PCDHA1: variants seen among roughly 807,000 people sequenced by gnomAD.
PCDHA1 encodes the protein protocadherin alpha 1, also known as protocadherin alpha-1.
In PCDHA1, 42 loss-of-function variants were observed where a neutral mutation model predicts 61.3. The ratio of observed to expected loss-of-function variants is 0.69; its 90% CI spans 0.54 to 0.89. The LOEUF is 0.89. Ranked by LOEUF, PCDHA1 falls within the 40% of genes least tolerant of loss-of-function variation. PCDHA1 has a pLI of 0.00. For synonymous variants in PCDHA1, 610 were observed against 553.8 expected (o/e 1.10, Z -1.43); for missense variants, 1,256 against 1,235.3 (o/e 1.02, Z -0.25).
intron 1 of PCDHA1, among the ~76,000 whole-genome samples, chr5:140,944,592 C>T (rs1225606041): frequency 2.6e-5 from 4 of 152,086 alleles, no homozygotes; most frequent in Non-Finnish European, 4.4e-5. Flanking sequence ...CAGAATTTCC[C>T]TGGGTAGAGT....
chr5:141,007,107 A>G (rs1162403610), intron 3 of PCDHA1, among the ~76,000 whole-genome samples: 1 of 152,190 alleles, frequency 6.6e-6, no homozygotes, highest in Non-Finnish European at 1.5e-5. Context: ...GCCAAACCCA[A>G]GGAAGCTTCA....
intron 1 of PCDHA1, among the ~76,000 whole-genome samples, chr5:140,890,741 A>G (rs1346321522): frequency 2.0e-5 from 3 of 152,132 alleles, no homozygotes; most frequent in African/African-American, 7.2e-5. Flanking sequence ...CTTATATACT[A>G]TTTCTGTCAT....
chr5:140,872,346 G>A (rs2053606612), intron 1 of PCDHA1, among the ~76,000 whole-genome samples: 1 of 152,022 alleles, frequency 6.6e-6, no homozygotes, highest in Admixed American at 6.6e-5. Context: ...ACATGTTCTT[G>A]CCAGGCAAAG....
chr5:140,836,209 A>T, intron 1 of PCDHA1: 1 of 1,613,782 alleles, frequency 6.2e-7, no homozygotes, highest in Non-Finnish European at 8.5e-7. Context: ...TGGCTTTCGT[A>T]TGAGTTGCAA....
At chr5:140,919,858 T>C (rs1392372108) in intron 1 of PCDHA1, among the ~76,000 whole-genome samples, 1 of 152,246 alleles carries the variant, frequency 6.6e-6, no homozygotes, top group Non-Finnish European at 1.5e-5. Flanking sequence ...TGACCTCATT[T>C]GGAAATAAGT....
rs1266651704 is a variant in PCDHA1, at chr5:140,877,267, G to A, written c.2394+88583G>A. ...GGTGGCGAAAGTGCGCGCGGTGGAC[G>A]CTGACTCCGGCTATAACGCTTGGCT... On this transcript the variant is annotated intron_variant, in intron 1 of 3. Coordinates refer to ENST00000504120, the MANE Select transcript of PCDHA1 (RefSeq NM_018900.4). 1.2e-5 allele frequency: 20 copies of A among 1,613,680 alleles called. No homozygotes were observed. Among genetic ancestry groups the A allele is most frequent in the Admixed American group, 6.7e-5 (4 of 59,982 alleles).
intron 1 of PCDHA1, chr5:140,808,843 G>A (rs782721036): frequency 3.7e-6 from 6 of 1,613,058 alleles, no homozygotes; most frequent in Admixed American, 1.7e-5. Context: ...TGACGCTGCA[G>A]GTGTTCGTGC....
intron 1 of PCDHA1, among the ~76,000 whole-genome samples, chr5:140,854,934 C>G (rs1363898254): frequency 6.7e-6 from 1 of 149,702 alleles, no homozygotes; most frequent in Non-Finnish European, 1.5e-5. Flanking sequence ...CCTCTGAAAG[C>G]AGAAATAATA....
At chr5:140,982,823 G>A (rs1187029355) in intron 3 of PCDHA1, among the ~76,000 whole-genome samples, 2 of 151,450 alleles carry the variant, frequency 1.3e-5, no homozygotes, top group South Asian at 2.1e-4. Context: ...GAAGTTTTTG[G>A]GGTTTGTTTG....
Position 140,796,479 on chromosome 5 carries a change from G to C in PCDHA1, c.2394+7795G>C, listed in dbSNP as rs139738142. On this transcript the variant is annotated intron_variant, in intron 1 of 3. Transcript: ENST00000504120. ...GGCGGGTGGGCGAGCGCGCGTTGTC[G>C]AGCTACGTTTCGGTGCACGCGGAGA... is the stretch of plus-strand genomic sequence containing the variant. 4.3e-6 allele frequency: 7 copies of C among 1,612,270 alleles called. No individual in the cohort carries two copies. In the East Asian group the frequency reaches 6.7e-5, roughly 15 times the overall value.
intron 1 of PCDHA1, among the ~76,000 whole-genome samples, chr5:140,938,866 G>A (rs1372323218): frequency 2.6e-5 from 4 of 152,040 alleles, no homozygotes; most frequent in African/African-American, 9.7e-5. Context: ...GAACTTAAAA[G>A]TTAAGAAGCA....
chr5:140,885,920 C>T (rs1554182299), intron 1 of PCDHA1, among the ~76,000 whole-genome samples: 1 of 151,998 alleles, frequency 6.6e-6, no homozygotes, highest in East Asian at 1.9e-4. Context: ...TAGATATTAA[C>T]TGTTTATCTA....
intron 1 of PCDHA1, among the ~76,000 whole-genome samples, chr5:140,916,285 G>A (rs530335868): frequency 1.2e-4 from 18 of 152,154 alleles, no homozygotes; most frequent in Non-Finnish European, 2.4e-4. Flanking sequence ...TCTACTCCAC[G>A]TGGCCAAACT....
intron 1 of PCDHA1, among the ~76,000 whole-genome samples, chr5:140,909,265 G>A (rs1289313376): frequency 3.3e-5 from 5 of 152,192 alleles, no homozygotes; most frequent in Non-Finnish European, 7.3e-5. Flanking sequence ...CTGACTGAAG[G>A]CAAATTGCTT....
chr5:140,909,411 CATTTGG>C (rs2074480921), intron 1 of PCDHA1, among the ~76,000 whole-genome samples: 2 of 152,142 alleles, frequency 1.3e-5, no homozygotes, highest in African/African-American at 4.8e-5. Flanking sequence ...TTGCAGTTAC[CATTTGG>C]TTAAACTTAT....
Position 141,010,090 on chromosome 5 carries a change from C to A in PCDHA1, c.*153C>A. On this transcript the variant is annotated 3_prime_UTR_variant, in exon 4 of 4. Transcript: ENST00000504120. ...AAGTTCCCTGTGTCTGTCTAGAACG[C>A]ATTTAACAGGTTTTGTCGTAAAAGC... 1 of 1,612,636 alleles carries A rather than the reference C, an allele frequency of 6.2e-7. No homozygotes were observed. Among genetic ancestry groups the A allele is most frequent in the Non-Finnish European group, 8.5e-7 (1 of 1,179,276 alleles).
chr5:140,827,105 A>G (rs2150146400), intron 1 of PCDHA1, among the ~76,000 whole-genome samples: 7 of 152,210 alleles, frequency 4.6e-5, no homozygotes, highest in Non-Finnish European at 1.0e-4. Flanking sequence ...GTCAGCATGT[A>G]TAGGTGAAAG....
chr5:140,982,094 G>T (rs2096965818), intron 2 of PCDHA1, among the ~76,000 whole-genome samples: 1 of 152,230 alleles, frequency 6.6e-6, no homozygotes, highest in Admixed American at 6.5e-5. Context: ...AGGAACAAGA[G>T]AACCTGCAAG....
intron 3 of PCDHA1, among the ~76,000 whole-genome samples, chr5:140,995,413 C>T (rs1554254672): frequency 6.6e-6 from 1 of 152,176 alleles, no homozygotes; most frequent in East Asian, 1.9e-4. Flanking sequence ...GATTTCATCA[C>T]ATTACTCAGA....
Sources: gnomAD v4.1 joint callset for allele counts (sites outside exome capture counted in the v4.1 genomes callset) on GRCh38, gnomAD v4.1.1 for gene constraint, MANE v1.5 for transcripts, NCBI Gene and HGNC (gene_info 2026-07-23, HGNC 2026-07-21) for gene names.